SCAMP1: variants seen among roughly 807,000 people sequenced by gnomAD.
SCAMP1 encodes the protein secretory carrier membrane protein 1.
SCAMP1 carries 15 observed loss-of-function variants against 41.8 expected under a neutral mutation model. That is an observed-to-expected ratio of 0.36 (90% CI 0.24 to 0.55). The LOEUF (loss-of-function observed/expected upper bound fraction) is 0.55, where lower values mean the gene tolerates loss of function less well. SCAMP1 is among the 20% of genes least tolerant of loss of function. The pLI is 0.86. For missense variants in SCAMP1, 341 were observed against 412.6 expected (o/e 0.83, Z 1.50); for synonymous variants, 135 against 136.8 (o/e 0.99, Z 0.09).
rs906031693 is a variant in SCAMP1, at chr5:78,478,418, A to T, written c.*2750A>T. The T allele has an allele frequency of 6.6e-6, 1 of 152,634 alleles. No homozygotes were observed. Among genetic ancestry groups the T allele is most frequent in the Non-Finnish European group, 1.5e-5 (1 of 68,016 alleles). 9.5% of individuals were successfully genotyped at this position (152,634 alleles called of 1,614,324 possible). ...TCTGTCATGTGCTAAACAAAATAAT[A>T]TGAAAGACCTAGTTAAAAATTCTAA... is the stretch of plus-strand genomic sequence containing the variant. On this transcript the variant is annotated 3_prime_UTR_variant, in exon 9 of 9. Coordinates refer to ENST00000621999, the MANE Select transcript of SCAMP1 (RefSeq NM_004866.6).
chr5:78,431,363 A>G (rs992366561), intron 6 of SCAMP1, among the ~76,000 whole-genome samples: 1 of 151,404 alleles, frequency 6.6e-6, no homozygotes, highest in Admixed American at 6.6e-5. Context: ...AAGCTACTTT[A>G]TATATGAAGT....
intron 2 of SCAMP1, 53 bp downstream of exon 2, chr5:78,388,967 A>G (rs1751418072): frequency 1.0e-5 from 9 of 899,990 alleles, no homozygotes; most frequent in Admixed American, 2.7e-5. Flanking sequence ...TAGGAATTCT[A>G]TTTTAACTAT....
rs1750614327 is a variant in SCAMP1, at chr5:78,360,639, T to G, written c.-33T>G. On this transcript the variant is annotated 5_prime_UTR_variant, in exon 1 of 9. Coordinates refer to ENST00000621999, the MANE Select transcript of SCAMP1 (RefSeq NM_004866.6). ...CTCGCCTCGTCTCTCTCTCTGCGCCTGGGTCGGGTGGGTGACGCCGAGAGC... is the reference window on the plus strand; with the variant it reads ...CTCGCCTCGTCTCTCTCTCTGCGCCGGGGTCGGGTGGGTGACGCCGAGAGC... The G allele has an allele frequency of 6.3e-7, 1 of 1,594,046 alleles. No homozygotes were observed. The highest frequency in any genetic ancestry group is 8.5e-7 in the Non-Finnish European group (1 of 1,171,100).
At chr5:78,364,797 C>T (rs1750751243) in intron 1 of SCAMP1, among the ~76,000 whole-genome samples, 1 of 148,028 alleles carries the variant, frequency 6.8e-6, no homozygotes, top group African/African-American at 2.5e-5. Flanking sequence ...TCAGTTTACT[C>T]ATCGCGTGTT....
chr5:78,360,770 GT>G (rs1561245035), intron 1 of SCAMP1, 42 bp downstream of exon 1: 17 of 1,569,200 alleles, frequency 1.1e-5, no homozygotes, highest in Non-Finnish European at 1.4e-5. Flanking sequence ...GCGACGCGTC[GT>G]TGTTTGTGAA....
chr5:78,445,670 G>T (rs1753036234), intron 6 of SCAMP1, among the ~76,000 whole-genome samples: 1 of 151,690 alleles, frequency 6.6e-6, no homozygotes, highest in Non-Finnish European at 1.5e-5. Flanking sequence ...TTCTGATTCT[G>T]GCTAAGGTAC....
chr5:78,382,327 C>A (rs551241994), intron 1 of SCAMP1, among the ~76,000 whole-genome samples: 8 of 152,160 alleles, frequency 5.3e-5, no homozygotes, highest in Non-Finnish European at 8.8e-5. Flanking sequence ...AAATGCTTTT[C>A]ACATGAATTA....
At chr5:78,460,805 CTCCCTTCCTTCCTTCCTTTCTT>C (rs148724982) in intron 8 of SCAMP1, among the ~76,000 whole-genome samples, 7,196 of 38,318 alleles carry the variant, frequency 0.19, 914 homozygotes, top group Non-Finnish European at 0.24. Flanking sequence ...TCCTTCCTTC[CTCCCTTCCTTCCTTCCTTTCTT>C]GTCTTTCCTC....
At chr5:78,434,200 G>T (rs1752689329) in intron 6 of SCAMP1, among the ~76,000 whole-genome samples, 1 of 152,130 alleles carries the variant, frequency 6.6e-6, no homozygotes, top group Admixed American at 6.5e-5. Flanking sequence ...GGCTCCTGGG[G>T]GTTCTGTACT....
chr5:78,436,439 T>G (rs929516331), intron 6 of SCAMP1, among the ~76,000 whole-genome samples: 3 of 152,260 alleles, frequency 2.0e-5, no homozygotes, highest in African/African-American at 7.2e-5. Flanking sequence ...GCTTTCTACA[T>G]CTGGCTAGCC....
At chr5:78,398,733 C>G (rs567977355) in intron 2 of SCAMP1, among the ~76,000 whole-genome samples, 1 of 151,462 alleles carries the variant, frequency 6.6e-6, no homozygotes, top group Non-Finnish European at 1.5e-5. Context: ...TTAGTAGAGA[C>G]GGGGTTTCAC....
chr5:78,389,862 C>T (rs1319396435), intron 2 of SCAMP1, among the ~76,000 whole-genome samples: 1 of 152,166 alleles, frequency 6.6e-6, no homozygotes, highest in East Asian at 1.9e-4. Context: ...ACTTTTGTTA[C>T]CTTGCCCTGT....
At chr5:78,389,043 C>A in intron 2 of SCAMP1, 129 bp downstream of exon 2, 1 of 494,194 alleles carries the variant, frequency 2.0e-6, no homozygotes, top group Non-Finnish European at 3.6e-6. Flanking sequence ...ATTTAGTATT[C>A]AGCAAACTTG....
At chr5:78,413,637 C>T (rs1009826563) in intron 2 of SCAMP1, among the ~76,000 whole-genome samples, 36 of 152,076 alleles carry the variant, frequency 2.4e-4, no homozygotes, top group Admixed American at 1.5e-3. Context: ...AGGGTGGTCT[C>T]GAACTCCTGA....
intron 2 of SCAMP1, among the ~76,000 whole-genome samples, chr5:78,405,208 A>T (rs1011865242): frequency 6.6e-6 from 1 of 152,202 alleles, no homozygotes; most frequent in Non-Finnish European, 1.5e-5. Flanking sequence ...CTTATACATG[A>T]AACTGGAAAC....
intron 7 of SCAMP1, chr5:78,457,675 G>GAGGC (rs1327782924): frequency 6.5e-6 from 1 of 154,044 alleles, no homozygotes; most frequent in Admixed American, 6.5e-5. Context: ...GGAGCCTTCA[G>GAGGC]AGGCAGGCAG....
intron 6 of SCAMP1, among the ~76,000 whole-genome samples, chr5:78,448,207 T>C (rs537940424): frequency 7.1e-6 from 1 of 140,208 alleles, no homozygotes; most frequent in Non-Finnish European, 1.5e-5. Context: ...TTGTTTTTTT[T>C]TAAAATAAAG....
intron 6 of SCAMP1, among the ~76,000 whole-genome samples, chr5:78,427,061 A>G (rs146826222): frequency 5.3e-5 from 8 of 152,202 alleles, no homozygotes; most frequent in Non-Finnish European, 1.2e-4. Flanking sequence ...CTAAAGGAAC[A>G]CCTGAGGCTG....
At chr5:78,434,464 T>C (rs908549470) in intron 6 of SCAMP1, among the ~76,000 whole-genome samples, 7 of 152,128 alleles carry the variant, frequency 4.6e-5, no homozygotes, top group Non-Finnish European at 8.8e-5. Flanking sequence ...CTGAGAGATA[T>C]AGGAAAGTTC....
Sources: allele counts gnomAD v4.1 joint callset (sites outside exome capture counted in the v4.1 genomes callset), GRCh38; gene constraint gnomAD v4.1.1; transcripts MANE v1.5; gene names NCBI Gene and HGNC (gene_info 2026-07-23, HGNC 2026-07-21).